Variants in HEXB observed in about 807,000 individuals in gnomAD.
The protein encoded by HEXB is beta-hexosaminidase subunit beta.
Under a neutral mutation model 71.2 loss-of-function variants are expected in HEXB, and 51 were observed. That is an observed-to-expected ratio of 0.72 (90% CI 0.57 to 0.90). HEXB has a LOEUF of 0.90. HEXB is among the 40% of genes least tolerant of loss of function. HEXB has a pLI of 0.00. For synonymous variants in HEXB, 266 were observed against 249.3 expected (o/e 1.07, Z -0.63); for missense variants, 617 against 677.0 (o/e 0.91, Z 0.98).
upstream of HEXB, among the ~76,000 whole-genome samples, chr5:74,680,631 C>T (rs561623863): frequency 2.2e-3 from 339 of 152,284 alleles, 1 homozygote; most frequent in African/African-American, 7.9e-3. Flanking sequence ...ATACTCCTCC[C>T]TTCAAAAGGT....
At chr5:74,681,808 T>C (rs1023972301), upstream of HEXB, among the ~76,000 whole-genome samples, 3 of 152,188 alleles carry the variant, frequency 2.0e-5, no homozygotes, top group African/African-American at 4.8e-5. Flanking sequence ...TTCAATTTCC[T>C]TGCATCTGAG....
chr5:74,669,361 C>T (rs1748492069), intron 1 of HEXB, among the ~76,000 whole-genome samples: 1 of 151,978 alleles, frequency 6.6e-6, no homozygotes, highest in South Asian at 2.1e-4. Flanking sequence ...GACAGTCCTC[C>T]TTCTACCACA....
rs370282819 is a variant in HEXB at position 74,704,868 on chromosome 5, G to A, written c.670-351G>A. On this transcript the variant is annotated intron_variant, in intron 5 of 13. Transcript: ENST00000261416. Reference sequence around the variant, plus strand: ...GCAATTTGGGAGGCCAAGGCGGGTGGTTGGCTTGAGCCCAGGAGTTCCAGA... The same window carrying A: ...GCAATTTGGGAGGCCAAGGCGGGTGATTGGCTTGAGCCCAGGAGTTCCAGA... Among the ~76,000 whole-genome samples, 15 of 152,238 alleles carry A rather than the reference G, an allele frequency of 9.9e-5. No homozygotes were observed. In the East Asian group the frequency reaches 2.3e-3, roughly 24 times the overall value.
At chr5:74,689,765 A>G (rs1748955934) in intron 2 of HEXB, 1 of 399,342 alleles carries the variant, frequency 2.5e-6, no homozygotes, top group South Asian at 3.3e-5. Context: ...ACATGTAAAC[A>G]TTTTACATAG....
chr5:74,684,759 C>A (rs1748813946), upstream of HEXB, among the ~76,000 whole-genome samples: 2 of 150,054 alleles, frequency 1.3e-5, no homozygotes, highest in South Asian at 4.2e-4. Context: ...CTCACTGCAA[C>A]CTCCGCCTCC....
At chr5:74,642,655 G>T (rs77058490) in intron 1 of HEXB, among the ~76,000 whole-genome samples, 1 of 151,796 alleles carries the variant, frequency 6.6e-6, no homozygotes, top group East Asian at 1.9e-4. Flanking sequence ...CCTAGAAATG[G>T]ACTATGTACA....
chr5:74,705,215 G>A lies in HEXB; in HGVS notation c.670-4G>A. The A allele has an allele frequency of 6.4e-7, 1 of 1,564,086 alleles. No homozygotes were observed. The highest frequency in any genetic ancestry group is 8.8e-7 in the Non-Finnish European group (1 of 1,134,864). On this transcript the variant is annotated splice_polypyrimidine_tract_variant and splice_region_variant and intron_variant, in intron 5 of 13. Transcript: ENST00000261416. ...AAATAATTTTTAAATATGTTTGCTT[G>A]CAGGATGCCATGGCTTTTAATAAGT... is the stretch of plus-strand genomic sequence containing the variant.
Position 74,702,067 on chromosome 5 carries a change from C to CT in HEXB, c.670-3123dup, listed in dbSNP as rs60295789. On this transcript the variant is annotated intron_variant, in intron 5 of 13. Coordinates refer to ENST00000261416, the MANE Select transcript of HEXB (RefSeq NM_000521.4). ...TCTGCAACTGACTATCTTTCCTTGTCTTTTTTTTTTTTTTTTTTTTTTTTT... is the reference window on the plus strand; with the variant it reads ...TCTGCAACTGACTATCTTTCCTTGTCTTTTTTTTTTTTTTTTTTTTTTTTTT... Among the ~76,000 whole-genome samples, 120 of 60,592 alleles carry CT rather than the reference C, an allele frequency of 2.0e-3. 12 individuals are homozygous for CT. Among genetic ancestry groups the CT allele is most frequent in the African/African-American group, 4.6e-3 (70 of 15,090 alleles). 39.8% of individuals were successfully genotyped at this position (60,592 alleles called of 152,430 possible).
intron 5 of HEXB, among the ~76,000 whole-genome samples, chr5:74,702,652 C>T (rs1439511694): frequency 1.3e-5 from 2 of 152,182 alleles, no homozygotes; most frequent in Non-Finnish European, 1.5e-5. Flanking sequence ...TTGTACTTAA[C>T]AAGTAATTAA....
rs1749603361 is a variant in HEXB, at chr5:74,713,595, A to G, written c.861A>G (p.Pro287=). Residue 287 remains proline (P), a synonymous_variant, in exon 7 of 14, where the codon CCA becomes CCG. Coordinates refer to ENST00000261416, the MANE Select transcript of HEXB (RefSeq NM_000521.4). ...YARLRGIRVL[P]EFDTPGHTLS... ...GATTACGAGGAATTCGAGTCCTGCC[A>G]GAATTTGATACCCCTGGGCATACAC... is the stretch of plus-strand genomic sequence containing the variant. 2 of 1,613,358 alleles carry G rather than the reference A, an allele frequency of 1.2e-6. No individual in the cohort carries two copies. Among genetic ancestry groups the G allele is most frequent in the East Asian group, 2.2e-5 (1 of 44,884 alleles).
At chr5:74,671,167 T>C (rs546907123) in intron 1 of HEXB, among the ~76,000 whole-genome samples, 1 of 151,856 alleles carries the variant, frequency 6.6e-6, no homozygotes, top group East Asian at 1.9e-4. Context: ...GCCACAAGAG[T>C]ACTGGCAACA....
At chr5:74,671,139 A>G (rs559896944) in intron 1 of HEXB, among the ~76,000 whole-genome samples, 1 of 151,868 alleles carries the variant, frequency 6.6e-6, no homozygotes, top group Admixed American at 6.5e-5. Context: ...AAAAACAACT[A>G]CAGTAAGGGA....
intron 1 of HEXB, among the ~76,000 whole-genome samples, chr5:74,664,269 A>T (rs1466457339): frequency 1.3e-5 from 2 of 150,872 alleles, no homozygotes; most frequent in Non-Finnish European, 3.0e-5. Flanking sequence ...AAAAAAAAAA[A>T]TTTAAAAACT....
intron 7 of HEXB, 30 bp downstream of exon 7, chr5:74,713,665 CTTATTTT>C: frequency 4.4e-6 from 7 of 1,588,398 alleles, no homozygotes; most frequent in Non-Finnish European, 6.0e-6. Flanking sequence ...TTCATTTTAT[CTTATTTT>C]TTATTTTTTG....
chr5:74,681,912 A>G (rs1185275308), upstream of HEXB, among the ~76,000 whole-genome samples: 1 of 152,260 alleles, frequency 6.6e-6, no homozygotes, highest in Non-Finnish European at 1.5e-5. Context: ...ATATAAAGGC[A>G]TTGTGGCTTC....
intron 1 of HEXB, among the ~76,000 whole-genome samples, chr5:74,654,917 G>T (rs1212915945): frequency 6.6e-6 from 1 of 152,182 alleles, no homozygotes; most frequent in African/African-American, 2.4e-5. Flanking sequence ...GACTGGGACA[G>T]CGGGGGAGTG....
chr5:74,664,409 A>G (rs988845507), intron 1 of HEXB, among the ~76,000 whole-genome samples: 4 of 134,152 alleles, frequency 3.0e-5, no homozygotes, highest in African/African-American at 8.3e-5. Context: ...CAGCTTGGGC[A>G]ATAGAGCAAG....
chr5:74,650,765 C>CAAA lies in HEXB; in HGVS notation c.-377+10216_-377+10218dup, dbSNP rs773616448. ...TGAAGTCCCATCTCTACTAAAAATA[C>CAAA]AAAAAAAAAAATTAGCTGGGCGTGG... On this transcript the variant is annotated intron_variant, in intron 1 of 13. Transcript: ENST00000511181. Among the ~76,000 whole-genome samples the CAAA allele has an allele frequency of 3.4e-3, 497 of 145,566 alleles. 1 individual carries two copies. The highest frequency in any genetic ancestry group is 0.012 in the African/African-American group (477 of 39,822).
chr5:74,655,394 C>T (rs1748199735), intron 1 of HEXB, among the ~76,000 whole-genome samples: 1 of 147,380 alleles, frequency 6.8e-6, no homozygotes, highest in Non-Finnish European at 1.5e-5. Context: ...GCCACTGCAA[C>T]CTCCATATAC....
Sources: gnomAD v4.1 joint callset for allele counts (sites outside exome capture counted in the v4.1 genomes callset) on GRCh38, gnomAD v4.1.1 for gene constraint, MANE v1.5 for transcripts, NCBI Gene and HGNC (gene_info 2026-07-23, HGNC 2026-07-21) for gene names.